The following FBN1 variants were observed in gnomAD, a reference collection of about 807,000 sequenced individuals.
FBN1 encodes fibrillin-1.
Under a neutral mutation model 365.1 loss-of-function variants are expected in FBN1, and 29 were observed. The ratio of observed to expected loss-of-function variants is 0.08; its 90% CI spans 0.06 to 0.11. The LOEUF (loss-of-function observed/expected upper bound fraction) is 0.11, where lower values mean the gene tolerates loss of function less well. FBN1 is among the 10% of genes least tolerant of loss of function. FBN1 has a pLI of 1.00. For missense variants in FBN1, 2,476 were observed against 3,703.2 expected (o/e 0.67, Z 8.60); for synonymous variants, 1,210 against 1,270.5 (o/e 0.95, Z 1.01).
chr15:48,583,536 T>G (rs137960116), intron 6 of FBN1, among the ~76,000 whole-genome samples: 50 of 152,370 alleles, frequency 3.3e-4, no homozygotes, highest in African/African-American at 1.2e-3. Context: ...TTTATTTTAC[T>G]GATGGGTAAG....
At position 48,468,134 on chromosome 15, in the gene FBN1, G is replaced by C. The variant is rs773193741; in HGVS notation, c.4583-32C>G. The C allele has an allele frequency of 4.3e-6, 7 of 1,613,294 alleles. No individual in the cohort carries two copies. The African/African-American group carries it at 5.3e-5, about 12-fold the overall frequency. ...ACCATATACAAACACAAAAGCATCA[G>C]GCAGAATCTTTCTACTGGGGTTGAA... On this transcript the variant is annotated intron_variant, in intron 37 of 65. Transcript: ENST00000316623.
chr15:48,421,855 A>G (rs2042944981), intron 61 of FBN1, 97 bp downstream of exon 61: 2 of 1,237,526 alleles, frequency 1.6e-6, no homozygotes, highest in Non-Finnish European at 2.4e-6. Context: ...TATTTCTTTG[A>G]GCTTTTATTT....
chr15:48,542,975 C>T (rs1277123555), intron 6 of FBN1, among the ~76,000 whole-genome samples: 2 of 152,192 alleles, frequency 1.3e-5, no homozygotes, highest in African/African-American at 2.4e-5. Flanking sequence ...ATCACTGCCA[C>T]TCGACATAAC....
At chr15:48,482,355 A>G (rs1353616892) in intron 31 of FBN1, among the ~76,000 whole-genome samples, 1 of 152,224 alleles carries the variant, frequency 6.6e-6, no homozygotes. Context: ...CCAAGATAGA[A>G]TAACAGGAAT....
intron 6 of FBN1, among the ~76,000 whole-genome samples, chr15:48,563,345 G>C (rs542737444): frequency 1.3e-4 from 20 of 152,126 alleles, no homozygotes; most frequent in Admixed American, 5.9e-4. Flanking sequence ...AAAATGAAGG[G>C]GTTAGGTAAA....
At chr15:48,560,056 A>G (rs373285383) in intron 6 of FBN1, among the ~76,000 whole-genome samples, 2 of 152,296 alleles carry the variant, frequency 1.3e-5, no homozygotes, top group African/African-American at 4.8e-5. Context: ...TCATGGGCCC[A>G]CTAAAGGCGA....
At chr15:48,504,738 CA>C (rs1427847348) in intron 16 of FBN1, among the ~76,000 whole-genome samples, 1 of 152,052 alleles carries the variant, frequency 6.6e-6, no homozygotes, top group African/African-American at 2.4e-5. Context: ...TTTCAATGAC[CA>C]ATATCAACAA....
rs1229143855 is a variant in FBN1 at position 48,537,667 on chromosome 15, T to C, written c.680A>G (p.Gln227Arg). Residue 227 changes from glutamine to arginine, a missense_variant, in exon 7 of 66, where the codon CAG becomes CGG. Gln to Arg is a conservative substitution (Grantham distance 43). This residue lies in a region of FBN1 where 421 missense variants were observed against 520.1 expected (regional missense o/e 0.81). Coordinates refer to ENST00000316623, the MANE Select transcript of FBN1 (RefSeq NM_000138.5). ...WGHPCEMCPA[Q>R]PHPCRRGFIP... is the part of the protein sequence containing the mutation. ...GAAGCCACGGCGGCAGGGGTGAGGC[T>C]GGGCAGGACACATCTCACAGGGGTG... The C allele has an allele frequency of 6.2e-7, 1 of 1,614,186 alleles. No homozygotes were observed. The highest frequency in any genetic ancestry group is 8.5e-7 in the Non-Finnish European group (1 of 1,180,030).
chr15:48,464,726 G>T (rs557840750), intron 40 of FBN1, among the ~76,000 whole-genome samples: 2 of 152,244 alleles, frequency 1.3e-5, no homozygotes, highest in South Asian at 2.1e-4. Flanking sequence ...CTATGATAGG[G>T]TATATAGTAT....
chr15:48,626,944 T>C (rs1046694277), intron 2 of FBN1, among the ~76,000 whole-genome samples: 10 of 152,166 alleles, frequency 6.6e-5, no homozygotes, highest in South Asian at 4.1e-4. Flanking sequence ...AGAAAATGTA[T>C]TGGTGTGCTC....
At chr15:48,421,919 A>C in intron 61 of FBN1, 33 bp downstream of exon 61, 1 of 1,475,164 alleles carries the variant, frequency 6.8e-7, no homozygotes, top group Non-Finnish European at 9.5e-7. Context: ...GAATCGCTAC[A>C]ATCCATGTAG....
chr15:48,554,345 G>A (rs944859235), intron 6 of FBN1, among the ~76,000 whole-genome samples: 5 of 152,132 alleles, frequency 3.3e-5, no homozygotes, highest in Non-Finnish European at 7.4e-5. Context: ...TTGAAGCAAC[G>A]TTCAAATCAG....
At chr15:48,605,528 C>T (rs575375569) in intron 4 of FBN1, among the ~76,000 whole-genome samples, 1 of 152,276 alleles carries the variant, frequency 6.6e-6, no homozygotes, top group Admixed American at 6.5e-5. Flanking sequence ...TTAGAGTATA[C>T]AAAGAATTCT....
In FBN1 at chr15:48,534,177, C is replaced by T. The variant is rs1385673241; in HGVS notation, c.765G>A (p.Gly255=). The change falls in exon 8 of 66, where the codon GGG becomes GGA. Residue 255 remains glycine (G), a synonymous_variant. Coordinates refer to ENST00000316623, the MANE Select transcript of FBN1 (RefSeq NM_000138.5). The part of the protein sequence containing the change: ...QDVDECQAIP[G]LCQGGNCINT... Reference sequence around the variant, plus strand: ...TAATGCAATTTCCTCCCTGACAGAGCCCGGGGATGGCCTGGCATTCATCCA... The same window carrying T: ...TAATGCAATTTCCTCCCTGACAGAGTCCGGGGATGGCCTGGCATTCATCCA... 6.2e-7 allele frequency: 1 copy of T among 1,613,644 alleles called. No homozygotes were observed. Among genetic ancestry groups the T allele is most frequent in the Admixed American group, 1.7e-5 (1 of 59,996 alleles).
At position 48,530,560 on chromosome 15, in the gene FBN1, ATT is replaced by A. The variant is rs61523435; in HGVS notation, c.862+3518_862+3519del. Among the ~76,000 whole-genome samples the A allele has an allele frequency of 9.5e-5, 14 of 146,822 alleles. 1 individual carries two copies. The highest frequency in any genetic ancestry group is 3.5e-4 in the African/African-American group (14 of 39,986). ...GGGCTCTTTGACCTTCACCGCAGAG[ATT>A]TTTTTTTTTTTCAACTAATTGTATA... On this transcript the variant is annotated intron_variant, in intron 8 of 65. Coordinates refer to ENST00000316623, the MANE Select transcript of FBN1 (RefSeq NM_000138.5).
In FBN1 at chr15:48,460,268, G is replaced by A. The variant is rs1566902542; in HGVS notation, c.5274C>T (p.Asp1758=). Residue 1758 remains aspartate, a synonymous_variant, in exon 43 of 66, where the codon GAC becomes GAT. Coordinates refer to ENST00000316623, the MANE Select transcript of FBN1 (RefSeq NM_000138.5). ...CACCAACGGGTAAACCGGTATAAATGTCGATGACAAAGCCTGGCCTTTGAC... is the reference window on the plus strand; with the variant it reads ...CACCAACGGGTAAACCGGTATAAATATCGATGACAAAGCCTGGCCTTTGAC... ...CGSQRPGFVI[D]IYTGLPVDID... 10 of 1,613,568 alleles carry A rather than the reference G, an allele frequency of 6.2e-6. No homozygotes were observed. Among genetic ancestry groups the A allele is most frequent in the Non-Finnish European group, 8.5e-6 (10 of 1,179,576 alleles).
rs1890259021 is a variant in FBN1 at position 48,644,634 on chromosome 15, C to T, written c.136G>A (p.Gly46Ser). The T allele has an allele frequency of 2.5e-6, 4 of 1,614,084 alleles. No individual in the cohort carries two copies. The highest frequency in any genetic ancestry group is 3.4e-6 in the Non-Finnish European group (4 of 1,180,026). The part of the protein sequence containing the change: ...ETRASRAKRR[G>S]GGGHDALKGP... ...TTAAGCGCGTCGTGTCCTCCACCGC[C>T]TCTTCTCTTGGCCCGACTGGCTCTG... is the stretch of plus-strand genomic sequence containing the variant. The change falls in exon 2 of 66, where the codon GGC (glycine) becomes AGC (serine). Residue 46 changes from glycine to serine, a missense_variant. Gly to Ser is a moderately conservative substitution (Grantham distance 56, BLOSUM62 0). Transcript: ENST00000316623.
chr15:48,484,183 G>A (rs1285139360), intron 30 of FBN1, among the ~76,000 whole-genome samples: 1 of 152,010 alleles, frequency 6.6e-6, no homozygotes, highest in African/African-American at 2.4e-5. Context: ...CTGCTTAAAA[G>A]TCTATTATTT....
chr15:48,574,496 C>T (rs16961180), intron 6 of FBN1, among the ~76,000 whole-genome samples: 1,900 of 151,942 alleles, frequency 0.013, 40 homozygotes, highest in African/African-American at 0.044. Flanking sequence ...TGGACTTTTT[C>T]CTAAAGGCAG....
Sources: gnomAD v4.1 joint callset for allele counts (sites outside exome capture counted in the v4.1 genomes callset) on GRCh38, gnomAD v4.1.1 for gene constraint, gnomAD v4.1.1 regional missense constraint, MANE v1.5 for transcripts, NCBI Gene and HGNC (gene_info 2026-07-23, HGNC 2026-07-21) for gene names.